The following PLXNA4 variants were observed in gnomAD, a reference collection of about 807,000 sequenced individuals.
PLXNA4 encodes the protein plexin-A4.
Under a neutral mutation model 191.8 loss-of-function variants are expected in PLXNA4, and 44 were observed. The ratio of observed to expected loss-of-function variants is 0.23; its 90% CI spans 0.18 to 0.29. PLXNA4 has a LOEUF of 0.29. Ranked by LOEUF, PLXNA4 falls within the 10% of genes least tolerant of loss-of-function variation. The pLI, the probability that PLXNA4 is intolerant of heterozygous loss-of-function variation, is 1.00. For missense variants in PLXNA4, 1,800 were observed against 2,488.8 expected, an observed-to-expected ratio of 0.72 and a Z score of 5.89; for synonymous variants, 1,082 against 1,009.5, an observed-to-expected ratio of 1.07 and a Z score of -1.36.
At chr7:132,606,398 G>T (rs1465338686) in intron 2 of PLXNA4, among the ~76,000 whole-genome samples, 3 of 152,160 alleles carry the variant, frequency 2.0e-5, no homozygotes, top group Non-Finnish European at 4.4e-5. Context: ...GAAAAACCTA[G>T]TTCCTTGAGC....
intron 3 of PLXNA4, among the ~76,000 whole-genome samples, chr7:132,388,108 G>A (rs1242210685): frequency 3.3e-5 from 5 of 152,094 alleles, no homozygotes; most frequent in Non-Finnish European, 5.9e-5. Context: ...CCTCAGTCCA[G>A]CTGAAAGGAA....
intron 2 of PLXNA4, among the ~76,000 whole-genome samples, chr7:132,596,056 C>G (rs1389166094): frequency 6.6e-6 from 1 of 152,154 alleles, no homozygotes; most frequent in African/African-American, 2.4e-5. Flanking sequence ...AAGATCCAAT[C>G]AAAATTCACA....
In PLXNA4 at chr7:132,383,265, G is replaced by A. The variant is rs78681270; in HGVS notation, c.1372-85043C>T. On this transcript the variant is annotated intron_variant, in intron 3 of 31. Coordinates refer to ENST00000321063, the MANE Select transcript of PLXNA4 (RefSeq NM_020911.2). ...CCCTCACTGCTGAGTTAATTAGCTG[G>A]CTGGCTGCACACACCAGGATTGGAC... Among the ~76,000 whole-genome samples, 892 of 152,192 alleles carry A rather than the reference G, an allele frequency of 5.9e-3. 7 individuals are homozygous for A. Among genetic ancestry groups the A allele is most frequent in the African/African-American group, 0.021 (872 of 41,512 alleles).
chr7:132,241,953 T>C (rs1205895453), intron 4 of PLXNA4, among the ~76,000 whole-genome samples: 1 of 152,264 alleles, frequency 6.6e-6, no homozygotes, highest in Non-Finnish European at 1.5e-5. Context: ...TTCCATTTCC[T>C]ACATGCTCTT....
At chr7:132,133,466 G>A (rs1795026928) in intron 30 of PLXNA4, among the ~76,000 whole-genome samples, 1 of 152,186 alleles carries the variant, frequency 6.6e-6, no homozygotes, top group African/African-American at 2.4e-5. Flanking sequence ...GAGGAACCGA[G>A]AGCCAGAGGG....
At chr7:132,579,656 A>G (rs1397098260), upstream of PLXNA4, among the ~76,000 whole-genome samples, 2 of 151,978 alleles carry the variant, frequency 1.3e-5, no homozygotes, top group Admixed American at 1.3e-4. Context: ...GTAATAACAG[A>G]GCCAAATGAC....
intron 25 of PLXNA4, among the ~76,000 whole-genome samples, chr7:132,152,611 G>T (rs747800229): frequency 6.6e-6 from 1 of 152,158 alleles, no homozygotes; most frequent in Non-Finnish European, 1.5e-5. Context: ...ACCTTGCTCC[G>T]TAGGAGGTGA....
intron 3 of PLXNA4, among the ~76,000 whole-genome samples, chr7:132,336,054 A>T (rs930122877): frequency 6.6e-6 from 1 of 152,218 alleles, no homozygotes; most frequent in Non-Finnish European, 1.5e-5. Flanking sequence ...AGCAGAGCTG[A>T]CATATTCTCT....
chr7:132,390,827 T>C (rs1295837343), intron 3 of PLXNA4, among the ~76,000 whole-genome samples: 1 of 152,184 alleles, frequency 6.6e-6, no homozygotes, highest in Non-Finnish European at 1.5e-5. Flanking sequence ...CTCACATTGG[T>C]TGGGCATGAG....
chr7:132,332,396 C>G (rs1201786007), intron 3 of PLXNA4, among the ~76,000 whole-genome samples: 1 of 152,188 alleles, frequency 6.6e-6, no homozygotes, highest in Non-Finnish European at 1.5e-5. Context: ...AAGAACATCT[C>G]TATCAGGTCT....
At chr7:132,178,731 CTTGTAAATGAAACACAT>C (rs764588070) in intron 20 of PLXNA4, among the ~76,000 whole-genome samples, 3,010 of 119,026 alleles carry the variant, frequency 0.025, 113 homozygotes, top group African/African-American at 0.056. Flanking sequence ...CACACACACA[CTTGTAAATGAAACACAT>C]ACACACACAC....
intron 5 of PLXNA4, among the ~76,000 whole-genome samples, chr7:132,232,046 A>G (rs895822652): frequency 5.3e-5 from 8 of 152,216 alleles, no homozygotes; most frequent in African/African-American, 1.7e-4. Flanking sequence ...TAAATGTGAT[A>G]GGATAATGGA....
At chr7:132,588,784 GAAAA>G (rs1291336290) in intron 2 of PLXNA4, among the ~76,000 whole-genome samples, 2 of 144,890 alleles carry the variant, frequency 1.4e-5, no homozygotes, top group African/African-American at 5.1e-5. Flanking sequence ...GAGAAAGAGA[GAAAA>G]AGAAAGAAGA....
intron 3 of PLXNA4, among the ~76,000 whole-genome samples, chr7:132,345,858 C>T (rs1328812985): frequency 3.3e-5 from 5 of 152,218 alleles, no homozygotes; most frequent in African/African-American, 1.2e-4. Flanking sequence ...TTACCCACCC[C>T]TCTCCCAGGC....
At chr7:132,349,641 C>T (rs1267288236) in intron 3 of PLXNA4, among the ~76,000 whole-genome samples, 1 of 152,180 alleles carries the variant, frequency 6.6e-6, no homozygotes, top group Non-Finnish European at 1.5e-5. Flanking sequence ...CTACAGGCTG[C>T]TTCCCACAGT....
intron 24 of PLXNA4, among the ~76,000 whole-genome samples, chr7:132,162,756 G>A (rs1037424018): frequency 6.6e-5 from 10 of 151,992 alleles, no homozygotes; most frequent in Non-Finnish European, 1.3e-4. Flanking sequence ...TCTTCATAAC[G>A]GAGCCAATCC....
intron 4 of PLXNA4, among the ~76,000 whole-genome samples, chr7:132,251,528 G>A (rs1202088353): frequency 6.6e-6 from 1 of 152,208 alleles, no homozygotes; most frequent in Non-Finnish European, 1.5e-5. Context: ...CTTGTGGGAA[G>A]TGGCAGGGCA....
intron 2 of PLXNA4, among the ~76,000 whole-genome samples, chr7:132,494,903 A>C (rs1379782149): frequency 6.6e-6 from 1 of 152,174 alleles, no homozygotes; most frequent in Non-Finnish European, 1.5e-5. Context: ...CAAGGACCCC[A>C]GAAGTGCCTG....
intron 29 of PLXNA4, 139 bp downstream of exon 29, chr7:132,144,980 T>G: frequency 1.6e-6 from 2 of 1,233,534 alleles, no homozygotes; most frequent in Non-Finnish European, 1.1e-6. Context: ...GACCAGAGAA[T>G]GTGCCTGCTC....
Sources: allele counts gnomAD v4.1 joint callset (sites outside exome capture counted in the v4.1 genomes callset), GRCh38; gene constraint gnomAD v4.1.1; transcripts MANE v1.5; gene names NCBI Gene and HGNC (gene_info 2026-07-23, HGNC 2026-07-21).